The following C1orf141 variants were observed in gnomAD, a reference collection of about 807,000 sequenced individuals.
The protein encoded by C1orf141 is chromosome 1 open reading frame 141.
A neutral mutation model predicts 23.2 loss-of-function variants in C1orf141; 19 were observed. The ratio of observed to expected loss-of-function variants is 0.82; its 90% CI spans 0.57 to 1.20. The LOEUF (loss-of-function observed/expected upper bound fraction) is 1.20, where lower values mean the gene tolerates loss of function less well. C1orf141 is among the 50% of genes most tolerant of loss of function. The pLI, the probability that C1orf141 is intolerant of heterozygous loss-of-function variation, is 0.00. For missense variants in C1orf141, 469 were observed against 455.1 expected (o/e 1.03, Z -0.28); for synonymous variants, 153 against 154.6 (o/e 0.99, Z 0.08).
intron 2 of C1orf141, among the ~76,000 whole-genome samples, chr1:67,128,849 G>A (rs1193786439): frequency 6.6e-6 from 1 of 152,100 alleles, no homozygotes; most frequent in African/African-American, 2.4e-5. Context: ...GAATATTAAT[G>A]TTAATACTAA....
chr1:67,118,818 C>A (rs1262234492), intron 4 of C1orf141, among the ~76,000 whole-genome samples: 2 of 152,186 alleles, frequency 1.3e-5, no homozygotes, highest in Admixed American at 1.3e-4. Flanking sequence ...TACAAAGAAA[C>A]AGCTGTCTGC....
intron 4 of C1orf141, 103 bp from the exon 5 acceptor site, chr1:67,115,567 T>A: frequency 5.6e-6 from 3 of 539,392 alleles, no homozygotes; most frequent in Non-Finnish European, 9.8e-6. Context: ...TTATACAGAC[T>A]TGGATGTTAT....
intron 2 of C1orf141, among the ~76,000 whole-genome samples, chr1:67,129,188 G>T (rs976017849): frequency 2.6e-5 from 4 of 152,058 alleles, no homozygotes; most frequent in African/African-American, 9.7e-5. Flanking sequence ...GGGTGTGGTG[G>T]TGTGTGCCTA....
At chr1:67,117,200 A>G (rs1388831188) in intron 4 of C1orf141, among the ~76,000 whole-genome samples, 1 of 152,174 alleles carries the variant, frequency 6.6e-6, no homozygotes, top group Non-Finnish European at 1.5e-5. Context: ...AGGGGGGTGG[A>G]TTACCTGAGG....
At chr1:67,124,670 G>C (rs1358664239) in intron 4 of C1orf141, among the ~76,000 whole-genome samples, 1 of 152,068 alleles carries the variant, frequency 6.6e-6, no homozygotes, top group East Asian at 1.9e-4. Flanking sequence ...TGTCATAGCT[G>C]CTGCCTGTCT....
intron 5 of C1orf141, among the ~76,000 whole-genome samples, chr1:67,107,379 T>A (rs1570695669): frequency 6.6e-6 from 1 of 152,142 alleles, no homozygotes; most frequent in East Asian, 1.9e-4. Context: ...ATAGACTTAA[T>A]TTCACCCATA....
chr1:67,109,650 T>C (rs550062972), intron 5 of C1orf141, among the ~76,000 whole-genome samples: 3 of 152,374 alleles, frequency 2.0e-5, no homozygotes, highest in Admixed American at 1.3e-4. Flanking sequence ...TTCTGTCATA[T>C]ACTATTTGAT....
In C1orf141 at chr1:67,092,986, T is replaced by G; in HGVS notation, c.*19A>C. On this transcript the variant is annotated 3_prime_UTR_variant, in exon 8 of 8. Coordinates refer to ENST00000684719, the MANE Select transcript of C1orf141 (RefSeq NM_001276351.2). ...ATATTTGCTTCTTGTTACTCAAATA[T>G]TGCTGCATACATAATATTTTATGAG... 1 of 1,537,388 alleles carries G rather than the reference T, an allele frequency of 6.5e-7. No individual in the cohort carries two copies. The highest frequency in any genetic ancestry group is 8.8e-7 in the Non-Finnish European group (1 of 1,132,606).
In C1orf141 at chr1:67,092,991, G is replaced by A; in HGVS notation, c.*14C>T. On this transcript the variant is annotated 3_prime_UTR_variant, in exon 8 of 8. Coordinates refer to ENST00000684719, the MANE Select transcript of C1orf141 (RefSeq NM_001276351.2). ...TGCTTCTTGTTACTCAAATATTGCT[G>A]CATACATAATATTTTATGAGGCATT... is the stretch of plus-strand genomic sequence containing the variant. 6.5e-7 allele frequency: 1 copy of A among 1,545,952 alleles called. No individual in the cohort carries two copies. The highest frequency in any genetic ancestry group is 8.8e-7 in the Non-Finnish European group (1 of 1,135,820).
intron 7 of C1orf141, 159 bp from the exon 8 acceptor site, chr1:67,093,763 T>C (rs1645606119): frequency 2.1e-6 from 1 of 478,906 alleles, no homozygotes; most frequent in Non-Finnish European, 3.5e-6. Context: ...ATGAAAATAC[T>C]GTACTTGTAT....
chr1:67,101,951 C>T (rs1645810146), intron 5 of C1orf141, among the ~76,000 whole-genome samples: 1 of 152,058 alleles, frequency 6.6e-6, no homozygotes, highest in African/African-American at 2.4e-5. Flanking sequence ...CAGAGGGTTG[C>T]CTACTTCACA....
chr1:67,101,997 A>G (rs1283870022), intron 5 of C1orf141, among the ~76,000 whole-genome samples: 2 of 152,128 alleles, frequency 1.3e-5, no homozygotes, highest in South Asian at 2.1e-4. Flanking sequence ...CAGCACTCCA[A>G]TCTTACCTCC....
intron 5 of C1orf141, chr1:67,111,700 A>C (rs1158960500): frequency 4.4e-5 from 34 of 771,332 alleles, no homozygotes; most frequent in Middle Eastern, 2.4e-4. Context: ...AATTAAACCC[A>C]ATCAACCATT....
intron 3 of C1orf141, among the ~76,000 whole-genome samples, chr1:67,126,319 G>C (rs934213257): frequency 6.6e-6 from 1 of 152,138 alleles, no homozygotes; most frequent in South Asian, 2.1e-4. Context: ...TCCTCTAGTC[G>C]TGAGAGCCAG....
At chr1:67,119,652 T>A (rs2102477072) in intron 4 of C1orf141, among the ~76,000 whole-genome samples, 1 of 152,184 alleles carries the variant, frequency 6.6e-6, no homozygotes, top group South Asian at 2.1e-4. Flanking sequence ...AAATCAGCCA[T>A]CTCAACAGAA....
At chr1:67,103,656 A>C (rs1252189993) in intron 5 of C1orf141, among the ~76,000 whole-genome samples, 1 of 152,118 alleles carries the variant, frequency 6.6e-6, no homozygotes. Context: ...TTGTCTATAA[A>C]ACTTAGCCTT....
At chr1:67,112,910 G>A (rs1441529933) in intron 5 of C1orf141, among the ~76,000 whole-genome samples, 1 of 152,168 alleles carries the variant, frequency 6.6e-6, no homozygotes, top group African/African-American at 2.4e-5. Flanking sequence ...GTGTGTCTAG[G>A]CAGAGGGGAA....
upstream of C1orf141, among the ~76,000 whole-genome samples, chr1:67,138,481 C>G (rs1025708607): frequency 6.6e-6 from 1 of 152,188 alleles, no homozygotes; most frequent in African/African-American, 2.4e-5. Context: ...TACTTTTCTT[C>G]CTCTGCCTGC....
intron 6 of C1orf141, 113 bp downstream of exon 6, chr1:67,096,139 C>T: frequency 3.2e-6 from 2 of 624,516 alleles, no homozygotes; most frequent in East Asian, 5.9e-5. Flanking sequence ...TTGGATTGTG[C>T]TGTGGAACTA....
Sources: gnomAD v4.1 joint callset for allele counts (sites outside exome capture counted in the v4.1 genomes callset) on GRCh38, gnomAD v4.1.1 for gene constraint, MANE v1.5 for transcripts, NCBI Gene and HGNC (gene_info 2026-07-23, HGNC 2026-07-21) for gene names.